The following TENM2 variants were observed in gnomAD, a reference collection of about 807,000 sequenced individuals.
TENM2 encodes the protein teneurin-2.
Under a neutral mutation model 245.2 loss-of-function variants are expected in TENM2, and 52 were observed. That is an observed-to-expected ratio of 0.21 (90% confidence interval 0.17 to 0.27). The LOEUF (loss-of-function observed/expected upper bound fraction) is 0.27, where lower values mean the gene tolerates loss of function less well. Ranked by LOEUF, TENM2 falls within the 10% of genes least tolerant of loss-of-function variation. TENM2 has a pLI of 1.00. For missense variants in TENM2, 3,046 were observed against 3,666.8 expected, an observed-to-expected ratio of 0.83 and a Z score of 4.37; for synonymous variants, 1,363 against 1,438.9, an observed-to-expected ratio of 0.95 and a Z score of 1.19.
At chr5:167,264,675 A>T in the TENM2 span, among the ~76,000 whole-genome samples, 2 of 152,150 alleles carry the variant, frequency 1.3e-5, no homozygotes, top group African/African-American at 2.4e-5. Flanking sequence ...AGATATTTTT[A>T]TGCGTCCGCT....
chr5:167,669,572 T>C (rs762340236), intron 2 of TENM2, among the ~76,000 whole-genome samples: 12 of 151,400 alleles, frequency 7.9e-5, no homozygotes, highest in Admixed American at 3.3e-4. Flanking sequence ...ATATTGTGCT[T>C]TTTTTTTTCT....
intron 2 of TENM2, among the ~76,000 whole-genome samples, chr5:167,600,118 G>C (rs192457605): frequency 1.5e-4 from 4 of 26,242 alleles, no homozygotes; most frequent in Admixed American, 1.2e-3. Flanking sequence ...ACTCAGAGGA[G>C]AAAAAGTCTT....
At chr5:167,586,440 A>G (rs1272436926) in intron 2 of TENM2, among the ~76,000 whole-genome samples, 2 of 152,192 alleles carry the variant, frequency 1.3e-5, no homozygotes, top group Admixed American at 6.5e-5. Flanking sequence ...TGCATGTTAA[A>G]TGATTTCAAT....
At chr5:167,004,303 A>C in the TENM2 span, among the ~76,000 whole-genome samples, 1 of 152,232 alleles carries the variant, frequency 6.6e-6, no homozygotes, top group African/African-American at 2.4e-5. Context: ...AGATCTTAGC[A>C]AAATAAAAGT....
At chr5:167,922,946 G>T (rs1014250747) in intron 3 of TENM2, among the ~76,000 whole-genome samples, 1 of 152,210 alleles carries the variant, frequency 6.6e-6, no homozygotes, top group Admixed American at 6.5e-5. Flanking sequence ...CTTACAGGCC[G>T]AAAACCTGAA....
intron 13 of TENM2, among the ~76,000 whole-genome samples, chr5:168,171,981 T>A (rs1233630788): frequency 6.6e-6 from 1 of 152,244 alleles, no homozygotes; most frequent in African/African-American, 2.4e-5. Context: ...GGCAAGGTCC[T>A]CGTGCCATCA....
chr5:167,632,906 T>C (rs1050333688), intron 2 of TENM2, among the ~76,000 whole-genome samples: 17 of 152,182 alleles, frequency 1.1e-4, no homozygotes, highest in African/African-American at 4.1e-4. Flanking sequence ...CTTTAAAGTG[T>C]GGTTTCTCTG....
At chr5:167,159,583 A>G in the TENM2 span, among the ~76,000 whole-genome samples, 1 of 152,212 alleles carries the variant, frequency 6.6e-6, no homozygotes, top group Admixed American at 6.5e-5. Context: ...TATATGATAA[A>G]TACATACTAT....
chr5:167,824,835 A>G (rs1362584500), intron 2 of TENM2, among the ~76,000 whole-genome samples: 5 of 152,228 alleles, frequency 3.3e-5, no homozygotes, highest in Non-Finnish European at 1.5e-5. Flanking sequence ...CAACGTTTCA[A>G]AAAATGCTGG....
At chr5:167,095,312 G>A in the TENM2 span, among the ~76,000 whole-genome samples, 1 of 152,178 alleles carries the variant, frequency 6.6e-6, no homozygotes, top group African/African-American at 2.4e-5. Flanking sequence ...TGGGACAAGA[G>A]TATTCCAGGA....
At chr5:167,918,218 T>C (rs1230673504) in intron 3 of TENM2, among the ~76,000 whole-genome samples, 1 of 152,186 alleles carries the variant, frequency 6.6e-6, no homozygotes, top group Non-Finnish European at 1.5e-5. Flanking sequence ...GCGGTTGTGT[T>C]GAGTGAATAC....
intron 2 of TENM2, among the ~76,000 whole-genome samples, chr5:167,740,385 G>A (rs755053203): frequency 1.3e-5 from 2 of 152,246 alleles, no homozygotes; most frequent in Non-Finnish European, 1.5e-5. Context: ...GGGAAACCTC[G>A]TGCACCCAGA....
chr5:167,968,291 A>T (rs373608059), intron 4 of TENM2, among the ~76,000 whole-genome samples: 1 of 152,194 alleles, frequency 6.6e-6, no homozygotes, highest in Non-Finnish European at 1.5e-5. Context: ...TGCACAAAGG[A>T]TCACCCTCAA....
intron 12 of TENM2, among the ~76,000 whole-genome samples, chr5:168,131,680 T>G (rs1754593861): frequency 6.6e-6 from 1 of 152,246 alleles, no homozygotes; most frequent in Non-Finnish European, 1.5e-5. Context: ...AACTTCAGAC[T>G]GAGGACAGCT....
intron 5 of TENM2, among the ~76,000 whole-genome samples, chr5:168,039,881 C>T (rs542815639): frequency 1.3e-5 from 2 of 152,132 alleles, no homozygotes; most frequent in South Asian, 2.1e-4. Context: ...CCTGCAGCAG[C>T]GGGTTCCAGG....
At chr5:167,753,674 A>G (rs1478051189) in intron 2 of TENM2, among the ~76,000 whole-genome samples, 1 of 152,190 alleles carries the variant, frequency 6.6e-6, no homozygotes, top group African/African-American at 2.4e-5. Flanking sequence ...TAGGTGACAA[A>G]GCTGGGATTT....
chr5:167,896,495 C>G (rs1775237608), intron 3 of TENM2, among the ~76,000 whole-genome samples: 1 of 152,198 alleles, frequency 6.6e-6, no homozygotes, highest in African/African-American at 2.4e-5. Context: ...TTCAGGCATG[C>G]ATTCCTTTCA....
At chr5:168,162,232 T>TA (rs1244585891) in intron 12 of TENM2, among the ~76,000 whole-genome samples, 1 of 152,020 alleles carries the variant, frequency 6.6e-6, no homozygotes, top group Non-Finnish European at 1.5e-5. Flanking sequence ...GAGCACTTCT[T>TA]AAAAAAAGAG....
intron 2 of TENM2, among the ~76,000 whole-genome samples, chr5:167,545,154 G>C (rs904129651): frequency 1.3e-5 from 2 of 152,094 alleles, no homozygotes; most frequent in Non-Finnish European, 2.9e-5. Flanking sequence ...TTGGTGGTTT[G>C]GTTATTTATT....
Sources: gnomAD v4.1 joint callset for allele counts (sites outside exome capture counted in the v4.1 genomes callset) on GRCh38, gnomAD v4.1.1 for gene constraint, MANE v1.5 for transcripts, NCBI Gene and HGNC (gene_info 2026-07-23, HGNC 2026-07-21) for gene names.